Variants in INPP5D observed in about 807,000 individuals in gnomAD.
The protein encoded by INPP5D is phosphatidylinositol 3,4,5-trisphosphate 5-phosphatase 1.
A neutral mutation model predicts 122.9 loss-of-function variants in INPP5D; 33 were observed. That is an observed-to-expected ratio of 0.27 (90% CI 0.20 to 0.36). The LOEUF (loss-of-function observed/expected upper bound fraction) is 0.36, where lower values mean the gene tolerates loss of function less well. INPP5D is among the 10% of genes least tolerant of loss of function. INPP5D has a pLI of 1.00. For synonymous variants in INPP5D, 584 were observed against 576.2 expected (o/e 1.01, Z -0.19); for missense variants, 1,053 against 1,412.7 (o/e 0.75, Z 4.08).
At chr2:233,072,139 T>C (rs1454569979) in intron 1 of INPP5D, among the ~76,000 whole-genome samples, 1 of 152,230 alleles carries the variant, frequency 6.6e-6, no homozygotes, top group East Asian at 1.9e-4. Flanking sequence ...ATAGCCTCTG[T>C]CACCTAGTTA....
intron 2 of INPP5D, among the ~76,000 whole-genome samples, chr2:233,117,454 G>A (rs1025582395): frequency 3.3e-5 from 5 of 152,210 alleles, no homozygotes; most frequent in Non-Finnish European, 7.3e-5. Context: ...AGCCAGATGA[G>A]AGGAAAGTTT....
chr2:233,110,946 A>C (rs553524619), intron 2 of INPP5D, among the ~76,000 whole-genome samples: 9 of 152,112 alleles, frequency 5.9e-5, no homozygotes, highest in Middle Eastern at 3.2e-3. Context: ...ACAACAAAAA[A>C]AAAAAACTGT....
At chr2:233,159,359 G>A (rs1694138130) in intron 10 of INPP5D, among the ~76,000 whole-genome samples, 1 of 152,136 alleles carries the variant, frequency 6.6e-6, no homozygotes, top group Admixed American at 6.5e-5. Flanking sequence ...AAAATGGATT[G>A]CACCAGCCTG....
At position 233,206,027 on chromosome 2, in the gene INPP5D, C is replaced by T. The variant is rs112290640; in HGVS notation, c.3568-679C>T. On this transcript the variant is annotated intron_variant, in intron 26 of 26. Coordinates refer to ENST00000445964, the MANE Select transcript of INPP5D (RefSeq NM_001017915.3). This position sits in a 1 kb window ranked among gnomAD's most constrained non-coding sequence, Gnocchi z 4.0. ...CCAGGAGGCGGAGGTTGCAGTGAAC[C>T]GAGATCGCAACACTGCACTCCAGCC... Among the ~76,000 whole-genome samples, 1,773 of 152,114 alleles carry T rather than the reference C, an allele frequency of 0.012. 27 individuals are homozygous for T. Among genetic ancestry groups the T allele is most frequent in the African/African-American group, 0.04 (1,679 of 41,512 alleles).
intron 2 of INPP5D, among the ~76,000 whole-genome samples, chr2:233,119,416 T>G (rs932975122): frequency 6.6e-6 from 1 of 152,244 alleles, no homozygotes; most frequent in Non-Finnish European, 1.5e-5. Flanking sequence ...TTTGTTATTC[T>G]GCTCACTTTG....
At chr2:233,126,014 C>A in intron 4 of INPP5D, 95 bp downstream of exon 4, 1 of 1,246,094 alleles carries the variant, frequency 8.0e-7, no homozygotes. Flanking sequence ...AGTTATGGGC[C>A]TGGTGACCAG....
At chr2:233,075,978 G>C (rs571046983) in intron 1 of INPP5D, among the ~76,000 whole-genome samples, 1 of 152,270 alleles carries the variant, frequency 6.6e-6, no homozygotes, top group Non-Finnish European at 1.5e-5. Flanking sequence ...CTTTGTTTCA[G>C]TGTTTCTAGA....
intron 9 of INPP5D, among the ~76,000 whole-genome samples, chr2:233,155,371 C>T (rs921519819): frequency 6.6e-6 from 1 of 152,064 alleles, no homozygotes; most frequent in Non-Finnish European, 1.5e-5. Flanking sequence ...GCCTGTAATC[C>T]CAGCGCTTTG....
chr2:233,100,523 C>G lies in INPP5D; in HGVS notation c.198+21125C>G, dbSNP rs1692280345. Among the ~76,000 whole-genome samples, 1 of 152,156 alleles carries G rather than the reference C, an allele frequency of 6.6e-6. No individual in the cohort carries two copies. The highest frequency in any genetic ancestry group is 2.1e-4 in the South Asian group (1 of 4,828). ...TACTCCCGGTGACAATCAGAATTCCCCCTGGCCTGCCCTCAGGTGTCCTGG... is the reference window on the plus strand; with the variant it reads ...TACTCCCGGTGACAATCAGAATTCCGCCTGGCCTGCCCTCAGGTGTCCTGG... On this transcript the variant is annotated intron_variant, in intron 2 of 26. Coordinates refer to ENST00000445964, the MANE Select transcript of INPP5D (RefSeq NM_001017915.3). This position sits in a 1 kb window ranked among gnomAD's most constrained non-coding sequence, Gnocchi z 5.3.
At chr2:233,173,748 A>G (rs1364456794) in intron 17 of INPP5D, among the ~76,000 whole-genome samples, 1 of 152,144 alleles carries the variant, frequency 6.6e-6, no homozygotes, top group Non-Finnish European at 1.5e-5. Flanking sequence ...CCTGGCCAAC[A>G]TGGCAAAACT....
At chr2:233,166,406 C>T (rs1175806325) in intron 13 of INPP5D, among the ~76,000 whole-genome samples, 3 of 152,226 alleles carry the variant, frequency 2.0e-5, no homozygotes, top group African/African-American at 7.2e-5. Flanking sequence ...GGAAAAGAAG[C>T]CAGTTCCTGG....
Position 233,195,489 on chromosome 2 carries a change from C to T in INPP5D, c.2687C>T (p.Thr896Ile). ...SHDPMKQWEV[T>I]SRAPPCSGSS... Reference sequence around the variant, plus strand: ...GACCCCATGAAGCAGTGGGAAGTCACTAGCAGGTAAAGTGGGCGTGGGGTG... The same window carrying T: ...GACCCCATGAAGCAGTGGGAAGTCATTAGCAGGTAAAGTGGGCGTGGGGTG... Residue 896 changes from threonine to isoleucine, a missense_variant, in exon 24 of 27, where the codon ACT (threonine) becomes ATT (isoleucine). By Grantham distance (89) the Thr-to-Ile change is moderately conservative. Transcript: ENST00000445964. The T allele has an allele frequency of 6.2e-7, 1 of 1,612,928 alleles. No homozygotes were observed. The highest frequency in any genetic ancestry group is 8.5e-7 in the Non-Finnish European group (1 of 1,179,314).
chr2:233,150,701 G>A (rs920773098), intron 9 of INPP5D, among the ~76,000 whole-genome samples: 5 of 152,308 alleles, frequency 3.3e-5, no homozygotes, highest in Admixed American at 6.5e-5. Context: ...GCCCTTCATC[G>A]TGAACGCTTC....
rs994967894 is a variant in INPP5D at position 233,140,040 on chromosome 2, C to A, written c.753+111C>A. On this transcript the variant is annotated intron_variant, in intron 6 of 26. Coordinates refer to ENST00000445964, the MANE Select transcript of INPP5D (RefSeq NM_001017915.3). ...AGGGGAGCACTGCCCATTGTGTGTTCACTGGGCAACAGCAAGCAGGTACGC... is the reference window on the plus strand; with the variant it reads ...AGGGGAGCACTGCCCATTGTGTGTTAACTGGGCAACAGCAAGCAGGTACGC... 60 of 391,092 alleles carry A rather than the reference C, an allele frequency of 1.5e-4. 2 individuals carry two copies. In the South Asian group the frequency reaches 3.0e-3, roughly 19 times the overall value. The allele number at this position is 391,092 out of a possible 1,614,324, so 24.2% of individuals were successfully genotyped here.
intron 10 of INPP5D, among the ~76,000 whole-genome samples, chr2:233,159,979 A>G (rs1242847592): frequency 6.6e-6 from 1 of 152,110 alleles, no homozygotes; most frequent in African/African-American, 2.4e-5. Context: ...GTGGTGGGAG[A>G]TGGAGAGAAA....
At chr2:233,180,648 TCCG>T (rs1249792481) in intron 18 of INPP5D, among the ~76,000 whole-genome samples, 1 of 152,030 alleles carries the variant, frequency 6.6e-6, no homozygotes, top group Non-Finnish European at 1.5e-5. Flanking sequence ...CAAGTGATTC[TCCG>T]CCTCAGCCTC....
At chr2:233,147,097 C>T (rs575814012) in intron 8 of INPP5D, among the ~76,000 whole-genome samples, 53 of 152,322 alleles carry the variant, frequency 3.5e-4, no homozygotes, top group African/African-American at 1.3e-3. Context: ...GTGGTTGTAA[C>T]AAGGCCTGGG....
rs543649509 is a variant in INPP5D, at chr2:233,122,001, G to T, written c.199-106G>T. 1.0e-5 allele frequency: 13 copies of T among 1,301,312 alleles called. No homozygotes were observed. In the South Asian group the frequency reaches 1.3e-4, roughly 13 times the overall value. 80.6% of individuals were successfully genotyped at this position (1,301,312 alleles called of 1,614,324 possible). ...AGGAGCCCAAGGCTTTTCCTGGATC[G>T]CAGTCACTCCCTCCGCCTCGCTGGT... On this transcript the variant is annotated intron_variant, in intron 2 of 26. Coordinates refer to ENST00000445964, the MANE Select transcript of INPP5D (RefSeq NM_001017915.3).
intron 1 of INPP5D, among the ~76,000 whole-genome samples, chr2:233,075,045 T>A (rs944205007): frequency 6.8e-6 from 1 of 147,686 alleles, no homozygotes; most frequent in African/African-American, 2.7e-5. Flanking sequence ...AGGGTTGACC[T>A]GGTCCAGAAA....
Sources: gnomAD v4.1 joint callset for allele counts (sites outside exome capture counted in the v4.1 genomes callset) on GRCh38, gnomAD v4.1.1 for gene constraint, Gnocchi (gnomAD v3.1) non-coding constraint, MANE v1.5 for transcripts, NCBI Gene and HGNC (gene_info 2026-07-23, HGNC 2026-07-21) for gene names.